FGF12: variants seen among roughly 807,000 people sequenced by gnomAD.
FGF12 encodes fibroblast growth factor 12B.
In FGF12, 14 loss-of-function variants were observed where a neutral mutation model predicts 23.6. The observed-to-expected ratio is 0.59, with a 90% confidence interval of 0.39 to 0.93. The LOEUF is 0.93. FGF12 is among the 40% of genes least tolerant of loss of function. The probability of loss-of-function intolerance (pLI) is 0.00; values close to 1 mark genes in which losing one functional copy is unlikely to be tolerated. For synonymous variants in FGF12, 62 were observed against 77.3 expected (o/e 0.80, Z 1.04); for missense variants, 175 against 217.8 (o/e 0.80, Z 1.24).
intron 2 of FGF12, among the ~76,000 whole-genome samples, chr3:192,448,582 G>GT: frequency 6.6e-6 from 1 of 152,304 alleles, no homozygotes; most frequent in Middle Eastern, 3.4e-3. Flanking sequence ...CTAGGCTTGA[G>GT]TGATACTATG....
In FGF12 at chr3:192,368,109, C is replaced by CA. The variant is rs11303637; in HGVS notation, c.14-7572dup. ...ACTCTCCCCCACCTCCCTCCCCTTC[C>CA]AAAAAAAAACAGAGCAGAAAAGAAA... On this transcript the variant is annotated intron_variant, in intron 2 of 5. Coordinates refer to ENST00000445105, the MANE Select transcript of FGF12 (RefSeq NM_004113.6). 7.2e-3 allele frequency among the ~76,000 whole-genome samples: 1,078 copies of CA among 149,990 alleles called. 8 individuals are homozygous for CA. The highest frequency in any genetic ancestry group is 0.011 in the Non-Finnish European group (770 of 67,384).
chr3:192,301,284 G>A (rs987962294), intron 4 of FGF12, among the ~76,000 whole-genome samples: 2 of 152,150 alleles, frequency 1.3e-5, no homozygotes, highest in East Asian at 3.8e-4. Flanking sequence ...GGAGAAAACC[G>A]AATACTCTCT....
At chr3:192,537,765 G>A (rs1482252595) in intron 2 of FGF12, among the ~76,000 whole-genome samples, 1 of 151,964 alleles carries the variant, frequency 6.6e-6, no homozygotes, top group South Asian at 2.1e-4. Context: ...TTTGTTGATT[G>A]TATCCTTCAC....
intron 2 of FGF12, among the ~76,000 whole-genome samples, chr3:192,404,985 C>T (rs756376729): frequency 6.9e-6 from 1 of 144,730 alleles, no homozygotes; most frequent in Non-Finnish European, 1.5e-5. Context: ...GTTATTTACA[C>T]TAGTTGATGT....
intron 2 of FGF12, among the ~76,000 whole-genome samples, chr3:192,424,276 T>A (rs1178304001): frequency 6.6e-6 from 1 of 152,148 alleles, no homozygotes; most frequent in African/African-American, 2.4e-5. Context: ...TCATAATTCT[T>A]TTTGTAACCA....
chr3:192,506,297 A>G (rs1724292511), intron 2 of FGF12, among the ~76,000 whole-genome samples: 1 of 152,230 alleles, frequency 6.6e-6, no homozygotes, highest in Non-Finnish European at 1.5e-5. Context: ...GTGCCTGTTT[A>G]GCTGCTACAG....
At chr3:192,369,647 C>A (rs1464945) in intron 2 of FGF12, among the ~76,000 whole-genome samples, 10,113 of 152,210 alleles carry the variant, frequency 0.066, 369 homozygotes, top group South Asian at 0.12. Flanking sequence ...GCATTAGCCC[C>A]CTTCCTCCTA....
intron 3 of FGF12, among the ~76,000 whole-genome samples, chr3:192,352,973 G>T (rs992758056): frequency 6.6e-6 from 1 of 152,056 alleles, no homozygotes; most frequent in East Asian, 1.9e-4. Context: ...CAGAACAAAG[G>T]GTATTTAGGG....
At chr3:192,362,405 A>T (rs1243608817) in intron 2 of FGF12, among the ~76,000 whole-genome samples, 1 of 150,118 alleles carries the variant, frequency 6.7e-6, no homozygotes, top group Non-Finnish European at 1.5e-5. Context: ...ACCCCACGAC[A>T]GTCCCAGGTG....
At chr3:192,372,329 T>C (rs1310132975) in intron 2 of FGF12, among the ~76,000 whole-genome samples, 1 of 152,040 alleles carries the variant, frequency 6.6e-6, no homozygotes, top group Non-Finnish European at 1.5e-5. Context: ...AAATGTAAAT[T>C]ACCTTCAGGT....
At chr3:192,305,519 C>T (rs1484957383) in intron 4 of FGF12, among the ~76,000 whole-genome samples, 6 of 151,858 alleles carry the variant, frequency 4.0e-5, no homozygotes, top group South Asian at 4.2e-4. Flanking sequence ...AAACCATCGC[C>T]GTCTCTCTTC....
chr3:192,500,998 C>G (rs1560130879), intron 2 of FGF12, among the ~76,000 whole-genome samples: 1 of 152,168 alleles, frequency 6.6e-6, no homozygotes, highest in Non-Finnish European at 1.5e-5. Context: ...TCACATCAGG[C>G]TACCTCTTTC....
chr3:192,586,977 G>A (rs886593389), intron 2 of FGF12, among the ~76,000 whole-genome samples: 8 of 152,044 alleles, frequency 5.3e-5, no homozygotes, highest in Non-Finnish European at 1.5e-5. Context: ...TATTATTTTA[G>A]AAAGAGTCTA....
intron 2 of FGF12, among the ~76,000 whole-genome samples, chr3:192,487,233 C>A (rs149530967): frequency 3.2e-4 from 49 of 152,236 alleles, no homozygotes; most frequent in African/African-American, 1.2e-3. Context: ...TTTTCTACTT[C>A]CTCATAGCAA....
intron 4 of FGF12, among the ~76,000 whole-genome samples, chr3:192,263,036 A>G (rs1046657031): frequency 7.9e-5 from 12 of 152,124 alleles, no homozygotes; most frequent in Non-Finnish European, 7.4e-5. Flanking sequence ...CCTTTTAATT[A>G]TGGTCATTAG....
At chr3:192,297,119 A>G (rs541452617) in intron 4 of FGF12, among the ~76,000 whole-genome samples, 1 of 152,346 alleles carries the variant, frequency 6.6e-6, no homozygotes, top group African/African-American at 2.4e-5. Context: ...TAAAAGTACT[A>G]GGGTCAATAT....
intron 2 of FGF12, among the ~76,000 whole-genome samples, chr3:192,596,952 C>G (rs962949743): frequency 1.3e-5 from 2 of 152,186 alleles, no homozygotes; most frequent in Non-Finnish European, 2.9e-5. Flanking sequence ...AACAAATCTT[C>G]ATTCTGTCAT....
chr3:192,269,501 C>T (rs751156144), intron 4 of FGF12, among the ~76,000 whole-genome samples: 8 of 152,132 alleles, frequency 5.3e-5, no homozygotes, highest in Non-Finnish European at 1.2e-4. Context: ...TGCTCAGTTC[C>T]TTCATGTGTA....
At chr3:192,504,151 A>G (rs1724220873) in intron 2 of FGF12, among the ~76,000 whole-genome samples, 1 of 152,042 alleles carries the variant, frequency 6.6e-6, no homozygotes, top group Non-Finnish European at 1.5e-5. Context: ...GGACATATAA[A>G]CACTAAGAGA....
Sources: gnomAD v4.1 joint callset for allele counts (sites outside exome capture counted in the v4.1 genomes callset) on GRCh38, gnomAD v4.1.1 for gene constraint, MANE v1.5 for transcripts, NCBI Gene and HGNC (gene_info 2026-07-23, HGNC 2026-07-21) for gene names.